Variants in EXOC4 observed in about 807,000 individuals in gnomAD.
EXOC4 encodes SEC8-like 1.
EXOC4 carries 71 observed loss-of-function variants against 107.2 expected under a neutral mutation model. That is an observed-to-expected ratio of 0.66 (90% CI 0.55 to 0.81). The LOEUF (loss-of-function observed/expected upper bound fraction) is 0.81. Ranked by LOEUF, EXOC4 falls within the 30% of genes least tolerant of loss-of-function variation. The probability of loss-of-function intolerance (pLI) is 0.00; values close to 1 mark genes in which losing one functional copy is unlikely to be tolerated. For missense variants in EXOC4, 1,108 were observed against 1,189.6 expected (o/e 0.93, Z 1.01); for synonymous variants, 456 against 441.2 (o/e 1.03, Z -0.42).
In EXOC4 at chr7:133,688,662, C is replaced by T. The variant is rs754676070; in HGVS notation, c.1514+58521C>T. On this transcript the variant is annotated intron_variant, in intron 10 of 17. Coordinates refer to ENST00000253861, the MANE Select transcript of EXOC4 (RefSeq NM_021807.4). ...GTTTGTCTGCCTTAGAAAAATAAAA[C>T]GTTCATACATAATTTAGCTTGTCTG... Among the ~76,000 whole-genome samples, 52 of 152,112 alleles carry T rather than the reference C, an allele frequency of 3.4e-4. 1 individual carries two copies. The highest frequency in any genetic ancestry group is 4.3e-4 in the Non-Finnish European group (29 of 67,978).
intron 14 of EXOC4, among the ~76,000 whole-genome samples, chr7:133,960,687 G>T (rs1800921746): frequency 6.6e-6 from 1 of 152,112 alleles, no homozygotes; most frequent in African/African-American, 2.4e-5. Flanking sequence ...ATCATGGCGG[G>T]TTATCTTTCT....
intron 10 of EXOC4, among the ~76,000 whole-genome samples, chr7:133,703,301 A>G (rs539033536): frequency 6.6e-6 from 1 of 152,196 alleles, no homozygotes; most frequent in Non-Finnish European, 1.5e-5. Flanking sequence ...GTTCATTGCT[A>G]CGTTGCTGCT....
intron 9 of EXOC4, among the ~76,000 whole-genome samples, chr7:133,623,077 C>T (rs1802371817): frequency 1.3e-5 from 2 of 152,130 alleles, no homozygotes; most frequent in Non-Finnish European, 2.9e-5. Flanking sequence ...AAGGATTCAG[C>T]AAAGTGCCAG....
rs1490411069 is a variant in EXOC4 at position 133,404,866 on chromosome 7, C to G, written c.1182+29864C>G. On this transcript the variant is annotated intron_variant, in intron 7 of 17. Coordinates refer to ENST00000253861, the MANE Select transcript of EXOC4 (RefSeq NM_021807.4). ...ACATAGTGAGACTGCGCCTCCACCC[C>G]CTGCGCCCCCCCCCCCAATACACAC... Among the ~76,000 whole-genome samples, 8 of 112,626 alleles carry G rather than the reference C, an allele frequency of 7.1e-5. No homozygotes were observed. The South Asian group carries it at 1.1e-3, about 16-fold the overall frequency. 73.9% of individuals were successfully genotyped at this position (112,626 alleles called of 152,430 possible).
At chr7:133,325,579 C>A (rs566864339) in intron 5 of EXOC4, among the ~76,000 whole-genome samples, 3 of 152,288 alleles carry the variant, frequency 2.0e-5, no homozygotes, top group Admixed American at 6.5e-5. Flanking sequence ...CCGAGAGATC[C>A]GCTGTTAGTC....
At chr7:133,480,027 G>C (rs1225966164) in intron 8 of EXOC4, 23 bp from the exon 9 acceptor site, 5 of 1,605,414 alleles carry the variant, frequency 3.1e-6, no homozygotes. Context: ...CTGCTTGTCT[G>C]TTTCCCCTGT....
At chr7:133,779,963 A>G (rs1002653916) in intron 10 of EXOC4, among the ~76,000 whole-genome samples, 3 of 152,132 alleles carry the variant, frequency 2.0e-5, no homozygotes, top group African/African-American at 4.8e-5. Context: ...CTCACCACGA[A>G]GGTTGGCAGC....
At chr7:134,084,428 G>A in the EXOC4 span, among the ~76,000 whole-genome samples, 1 of 152,142 alleles carries the variant, frequency 6.6e-6, no homozygotes, top group African/African-American at 2.4e-5. Flanking sequence ...AATTGGTGGG[G>A]CACCATCAAG....
intron 17 of EXOC4, among the ~76,000 whole-genome samples, chr7:134,034,102 G>T (rs1239052469): frequency 6.6e-6 from 1 of 152,194 alleles, no homozygotes; most frequent in Non-Finnish European, 1.5e-5. Flanking sequence ...GCTCAGAACA[G>T]TGAAAAGGTA....
chr7:133,538,545 G>A (rs1312377348), intron 9 of EXOC4, among the ~76,000 whole-genome samples: 4 of 152,246 alleles, frequency 2.6e-5, no homozygotes, highest in African/African-American at 2.4e-5. Context: ...GAAAGGAGTG[G>A]CAGCTCATGC....
At chr7:133,520,166 G>A (rs186333440) in intron 9 of EXOC4, among the ~76,000 whole-genome samples, 1 of 152,224 alleles carries the variant, frequency 6.6e-6, no homozygotes, top group East Asian at 1.9e-4. Flanking sequence ...AAATTTAATT[G>A]AATAATGTTG....
intron 14 of EXOC4, among the ~76,000 whole-genome samples, chr7:133,939,937 T>A (rs1019056074): frequency 6.6e-6 from 1 of 152,194 alleles, no homozygotes; most frequent in South Asian, 2.1e-4. Flanking sequence ...AAAGAACTAA[T>A]TTTTTCTTTG....
chr7:134,090,016 C>T, the EXOC4 span, among the ~76,000 whole-genome samples: 1 of 152,028 alleles, frequency 6.6e-6, no homozygotes. Context: ...TTGATTTTAC[C>T]GATAATTTTA....
intron 3 of EXOC4, among the ~76,000 whole-genome samples, chr7:133,295,790 G>A (rs912200076): frequency 1.3e-5 from 2 of 152,142 alleles, no homozygotes; most frequent in African/African-American, 4.8e-5. Context: ...AAAAAAGGGA[G>A]CCAAAACATA....
intron 10 of EXOC4, among the ~76,000 whole-genome samples, chr7:133,794,188 A>G (rs1796765963): frequency 6.6e-6 from 1 of 152,178 alleles, no homozygotes; most frequent in Non-Finnish European, 1.5e-5. Flanking sequence ...ATCAGCTTTG[A>G]ATCCTCTGTG....
At chr7:133,585,247 G>A (rs922487867) in intron 9 of EXOC4, among the ~76,000 whole-genome samples, 1 of 152,166 alleles carries the variant, frequency 6.6e-6, no homozygotes, top group African/African-American at 2.4e-5. Context: ...TGTTATCTGT[G>A]TAACTTCAAG....
chr7:133,535,836 A>G (rs1429582802), intron 9 of EXOC4, among the ~76,000 whole-genome samples: 2 of 152,224 alleles, frequency 1.3e-5, no homozygotes, highest in Non-Finnish European at 2.9e-5. Context: ...GTTAGAAACT[A>G]TGAATAAGCA....
the EXOC4 span, among the ~76,000 whole-genome samples, chr7:134,073,996 G>A: frequency 6.6e-6 from 1 of 152,116 alleles, no homozygotes. Flanking sequence ...GCTTTGTTCC[G>A]GGGACCTCCA....
chr7:133,596,684 A>G (rs1451065765), intron 9 of EXOC4, among the ~76,000 whole-genome samples: 1 of 152,082 alleles, frequency 6.6e-6, no homozygotes, highest in Non-Finnish European at 1.5e-5. Context: ...TCCCTTTTCC[A>G]AGTACAAACT....
Sources: allele counts gnomAD v4.1 joint callset (sites outside exome capture counted in the v4.1 genomes callset), GRCh38; gene constraint gnomAD v4.1.1; transcripts MANE v1.5; gene names NCBI Gene and HGNC (gene_info 2026-07-23, HGNC 2026-07-21).